The following EXOC4 variants were observed in gnomAD, a reference collection of about 807,000 sequenced individuals.
EXOC4 encodes exocyst complex component 4, also known as SEC8-like 1.
Under a neutral mutation model 107.2 loss-of-function variants are expected in EXOC4, and 71 were observed. That is an observed-to-expected ratio of 0.66 (90% confidence interval 0.55 to 0.81). EXOC4 has a LOEUF of 0.81. Ranked by LOEUF, EXOC4 falls within the 30% of genes least tolerant of loss-of-function variation. EXOC4 has a pLI of 0.00. For synonymous variants in EXOC4, 456 were observed against 441.2 expected, an observed-to-expected ratio of 1.03 and a Z score of -0.42; for missense variants, 1,108 against 1,189.6, an observed-to-expected ratio of 0.93 and a Z score of 1.01.
At chr7:133,276,347 G>A (rs773959545) in intron 2 of EXOC4, among the ~76,000 whole-genome samples, 6 of 152,104 alleles carry the variant, frequency 3.9e-5, no homozygotes, top group Non-Finnish European at 1.5e-5. Flanking sequence ...GTATTTTTGA[G>A]ATCACTCCTT....
At position 133,289,604 on chromosome 7, in the gene EXOC4, C is replaced by T. The variant is rs115436376; in HGVS notation, c.471+488C>T. On this transcript the variant is annotated intron_variant, in intron 3 of 17. Coordinates refer to ENST00000253861, the MANE Select transcript of EXOC4 (RefSeq NM_021807.4). Reference sequence around the variant, plus strand: ...AACTTTATTGACCAAGAGTACTCCACAATCTAGCCTTTAGCCTCCATCTTA... The same window carrying T: ...AACTTTATTGACCAAGAGTACTCCATAATCTAGCCTTTAGCCTCCATCTTA... Among the ~76,000 whole-genome samples the T allele has an allele frequency of 1.6e-3, 242 of 152,330 alleles. 3 individuals are homozygous for T. The highest frequency in any genetic ancestry group is 5.5e-3 in the African/African-American group (228 of 41,568).
intron 9 of EXOC4, among the ~76,000 whole-genome samples, chr7:133,516,309 C>T (rs1041067727): frequency 1.3e-5 from 2 of 152,140 alleles, no homozygotes; most frequent in African/African-American, 4.8e-5. Flanking sequence ...AGGACATTTT[C>T]GTCATCCTCA....
At chr7:133,756,045 C>T (rs1795910539) in intron 10 of EXOC4, among the ~76,000 whole-genome samples, 1 of 152,156 alleles carries the variant, frequency 6.6e-6, no homozygotes, top group South Asian at 2.1e-4. Flanking sequence ...CTTTTAGTTC[C>T]ATACCCTCCA....
chr7:133,794,916 A>G (rs925347206), intron 10 of EXOC4, among the ~76,000 whole-genome samples: 1 of 151,880 alleles, frequency 6.6e-6, no homozygotes, highest in Admixed American at 6.6e-5. Flanking sequence ...AACATTAGGT[A>G]TATCTCCTAA....
At chr7:133,773,662 A>G (rs1279543615) in intron 10 of EXOC4, among the ~76,000 whole-genome samples, 1 of 151,992 alleles carries the variant, frequency 6.6e-6, no homozygotes, top group Non-Finnish European at 1.5e-5. Context: ...GGGGGTTGAA[A>G]TATCATCAGT....
chr7:133,357,752 G>A (rs1047235516), intron 6 of EXOC4, among the ~76,000 whole-genome samples: 3 of 152,042 alleles, frequency 2.0e-5, no homozygotes, highest in African/African-American at 7.2e-5. Flanking sequence ...GTATTTCTGT[G>A]TTCTTTTGCA....
chr7:134,060,531 C>T (rs981809046), intron 17 of EXOC4, among the ~76,000 whole-genome samples: 13 of 152,060 alleles, frequency 8.5e-5, no homozygotes, highest in Non-Finnish European at 1.5e-4. Context: ...TTTTAATGCT[C>T]GATGATGAAG....
chr7:133,381,778 G>T (rs1796624749), intron 7 of EXOC4, among the ~76,000 whole-genome samples: 1 of 152,078 alleles, frequency 6.6e-6, no homozygotes, highest in Non-Finnish European at 1.5e-5. Context: ...TGTGGATAAG[G>T]ACTACATTCT....
the EXOC4 span, among the ~76,000 whole-genome samples, chr7:134,071,822 C>G: frequency 1.1e-4 from 17 of 152,118 alleles, 1 homozygote; most frequent in Admixed American, 7.2e-4. Flanking sequence ...ACAGAACCCC[C>G]CTCTGTGCTA....
intron 11 of EXOC4, among the ~76,000 whole-genome samples, chr7:133,872,794 G>A (rs546214018): frequency 1.3e-5 from 2 of 152,168 alleles, no homozygotes; most frequent in African/African-American, 4.8e-5. Flanking sequence ...GTAAGAGGCT[G>A]TTGAACAATT....
At chr7:133,767,169 T>A (rs1796155806) in intron 10 of EXOC4, among the ~76,000 whole-genome samples, 1 of 151,902 alleles carries the variant, frequency 6.6e-6, no homozygotes, top group Non-Finnish European at 1.5e-5. Context: ...CTAAGAAAAT[T>A]TGCAATTTCT....
chr7:133,331,595 A>T (rs1795394389), intron 5 of EXOC4, among the ~76,000 whole-genome samples: 1 of 150,702 alleles, frequency 6.6e-6, no homozygotes, highest in Non-Finnish European at 1.5e-5. Flanking sequence ...CCTCCCCAGT[A>T]GCTGGGACTA....
chr7:134,055,714 A>T (rs1473941780), intron 17 of EXOC4, among the ~76,000 whole-genome samples: 2 of 152,170 alleles, frequency 1.3e-5, no homozygotes, highest in African/African-American at 4.8e-5. Flanking sequence ...TGCCTTTCTT[A>T]TGTACCAGGA....
At chr7:133,973,891 CA>C (rs1793760965) in intron 14 of EXOC4, among the ~76,000 whole-genome samples, 1 of 152,160 alleles carries the variant, frequency 6.6e-6, no homozygotes, top group Admixed American at 6.5e-5. Context: ...CTGCATCTGG[CA>C]AGTGCATTCC....
intron 13 of EXOC4, among the ~76,000 whole-genome samples, chr7:133,934,109 A>G (rs766657551): frequency 6.6e-6 from 1 of 152,184 alleles, no homozygotes; most frequent in Non-Finnish European, 1.5e-5. Flanking sequence ...TGTGTTACCA[A>G]GTTTTTTATA....
intron 7 of EXOC4, among the ~76,000 whole-genome samples, chr7:133,401,273 T>C (rs954506333): frequency 2.6e-5 from 4 of 152,094 alleles, no homozygotes; most frequent in Non-Finnish European, 5.9e-5. Context: ...AGTGCCTGTT[T>C]TCTTCTCTTT....
chr7:133,914,556 C>G (rs1197716229), intron 12 of EXOC4, among the ~76,000 whole-genome samples: 1 of 152,088 alleles, frequency 6.6e-6, no homozygotes, highest in East Asian at 1.9e-4. Context: ...AATCCCACAC[C>G]TCATGTGATA....
chr7:133,835,087 C>G (rs1797890469), intron 11 of EXOC4, among the ~76,000 whole-genome samples: 1 of 152,150 alleles, frequency 6.6e-6, no homozygotes, highest in African/African-American at 2.4e-5. Context: ...AACTGTAAAT[C>G]CATTAAACCT....
chr7:133,326,934 C>T (rs1311613434), intron 5 of EXOC4, among the ~76,000 whole-genome samples: 1 of 152,218 alleles, frequency 6.6e-6, no homozygotes, highest in Non-Finnish European at 1.5e-5. Flanking sequence ...AGCCTTGCTG[C>T]TGCCTTGCAG....
Sources: allele counts gnomAD v4.1 joint callset (sites outside exome capture counted in the v4.1 genomes callset), GRCh38; gene constraint gnomAD v4.1.1; transcripts MANE v1.5; gene names NCBI Gene and HGNC (gene_info 2026-07-23, HGNC 2026-07-21).